KIAA1671: variants seen among roughly 807,000 people sequenced by gnomAD.
KIAA1671 encodes uncharacterized protein KIAA1671.
In KIAA1671, 52 loss-of-function variants were observed where a neutral mutation model predicts 131.2. The observed-to-expected ratio is 0.40, with a 90% CI of 0.32 to 0.50. KIAA1671 has a LOEUF of 0.50. Ranked by LOEUF, KIAA1671 falls within the 20% of genes least tolerant of loss-of-function variation. The pLI, the probability that KIAA1671 is intolerant of heterozygous loss-of-function variation, is 0.73. For missense variants in KIAA1671, 2,360 were observed against 2,364.2 expected (o/e 1.00, Z 0.04); for synonymous variants, 1,003 against 961.6 (o/e 1.04, Z -0.80).
chr22:25,112,447 G>C (rs1406247500), intron 6 of KIAA1671: 2 of 398,860 alleles, frequency 5.0e-6, no homozygotes, highest in East Asian at 7.1e-5. Context: ...ATACAGATTC[G>C]GAACCGCCAG....
intron 1 of KIAA1671, among the ~76,000 whole-genome samples, chr22:24,996,348 TC>T (rs554629699): frequency 8.0e-4 from 121 of 152,074 alleles, no homozygotes; most frequent in African/African-American, 2.8e-3. Context: ...GAGGAGACCC[TC>T]CCCACATGTG....
At chr22:25,146,379 T>A (rs1442912660) in intron 6 of KIAA1671, among the ~76,000 whole-genome samples, 1 of 152,186 alleles carries the variant, frequency 6.6e-6, no homozygotes, top group Non-Finnish European at 1.5e-5. Flanking sequence ...CTTTTGTTTT[T>A]TGTTTTGAAA....
chr22:24,993,069 GC>G (rs1923933537), intron 1 of KIAA1671, among the ~76,000 whole-genome samples: 1 of 151,916 alleles, frequency 6.6e-6, no homozygotes. Context: ...TCTCGAAGCC[GC>G]CCTCTCTGCC....
chr22:24,976,910 T>C (rs1288404720), intron 1 of KIAA1671, among the ~76,000 whole-genome samples: 1 of 152,102 alleles, frequency 6.6e-6, no homozygotes, highest in Non-Finnish European at 1.5e-5. Flanking sequence ...TCGGGGAGGA[T>C]AGAGCAAAGC....
chr22:25,163,535 G>A (rs1165723351), intron 6 of KIAA1671, among the ~76,000 whole-genome samples: 1 of 147,852 alleles, frequency 6.8e-6, no homozygotes, highest in Admixed American at 6.8e-5. Flanking sequence ...TCCGCTACCC[G>A]GGTTCAAGTG....
chr22:25,108,662 T>TC (rs1931158619), intron 6 of KIAA1671, among the ~76,000 whole-genome samples: 1 of 152,158 alleles, frequency 6.6e-6, no homozygotes, highest in Non-Finnish European at 1.5e-5. Flanking sequence ...TCTGGATATA[T>TC]CAATGTAAGG....
intron 1 of KIAA1671, among the ~76,000 whole-genome samples, chr22:24,974,544 C>T (rs1431218496): frequency 6.6e-6 from 1 of 152,100 alleles, no homozygotes; most frequent in African/African-American, 2.4e-5. Context: ...ACTCCAAACT[C>T]CAGTCATTCT....
At chr22:25,049,414 TG>T in intron 6 of KIAA1671, 50 bp downstream of exon 6, 2 of 1,526,814 alleles carry the variant, frequency 1.3e-6, no homozygotes, top group Non-Finnish European at 1.8e-6. Context: ...TGCTGGTTGC[TG>T]GACACTGCTG....
At chr22:24,958,779 T>C (rs1209667081) in intron 1 of KIAA1671, among the ~76,000 whole-genome samples, 1 of 151,366 alleles carries the variant, frequency 6.6e-6, no homozygotes, top group African/African-American at 2.4e-5. Context: ...AAGATTAGCC[T>C]AGCCAACATG....
At chr22:25,179,071 G>A (rs1455915877) in intron 9 of KIAA1671, among the ~76,000 whole-genome samples, 6 of 152,216 alleles carry the variant, frequency 3.9e-5, no homozygotes, top group Non-Finnish European at 5.9e-5. Flanking sequence ...AGCCGCGCCC[G>A]GCCTGGTGTC....
intron 1 of KIAA1671, among the ~76,000 whole-genome samples, chr22:24,957,843 A>C (rs1333861079): frequency 6.6e-6 from 1 of 150,462 alleles, no homozygotes; most frequent in Non-Finnish European, 1.5e-5. Flanking sequence ...ACGCCTGGCT[A>C]ATTTTGTTAT....
intron 6 of KIAA1671, among the ~76,000 whole-genome samples, chr22:25,127,166 T>C (rs1274587348): frequency 6.6e-6 from 1 of 152,202 alleles, no homozygotes; most frequent in East Asian, 1.9e-4. Context: ...ATACTCTTCA[T>C]GGTGGTGAGA....
intron 6 of KIAA1671, among the ~76,000 whole-genome samples, chr22:25,104,925 C>T (rs1244911015): frequency 6.6e-6 from 1 of 152,072 alleles, no homozygotes; most frequent in Non-Finnish European, 1.5e-5. Context: ...CCCTCAAGCC[C>T]AACACTGAAC....
At chr22:25,143,192 T>C (rs896262228) in intron 6 of KIAA1671, among the ~76,000 whole-genome samples, 1 of 151,990 alleles carries the variant, frequency 6.6e-6, no homozygotes, top group African/African-American at 2.4e-5. Context: ...CTTCAGGGAG[T>C]TGCCAGTCAG....
chr22:24,986,890 G>A (rs986110264), intron 1 of KIAA1671, among the ~76,000 whole-genome samples: 1 of 151,882 alleles, frequency 6.6e-6, no homozygotes, highest in African/African-American at 2.4e-5. Context: ...CCCTCTGGAG[G>A]TCACAGCCTA....
At chr22:25,150,531 C>A (rs1932999232) in intron 6 of KIAA1671, among the ~76,000 whole-genome samples, 1 of 152,200 alleles carries the variant, frequency 6.6e-6, no homozygotes, top group Non-Finnish European at 1.5e-5. Context: ...GCTGCCCCTG[C>A]CTCCCCCGAC....
chr22:25,135,111 A>G (rs952836878), intron 6 of KIAA1671, among the ~76,000 whole-genome samples: 3 of 152,166 alleles, frequency 2.0e-5, no homozygotes, highest in Non-Finnish European at 2.9e-5. Context: ...TTTAGTTTAT[A>G]TTCACAAGAA....
rs1934722310 is a variant in KIAA1671 at position 25,193,134 on chromosome 22, T to A, written c.*733T>A. On this transcript the variant is annotated 3_prime_UTR_variant, in exon 13 of 13. Coordinates refer to ENST00000358431, the MANE Select transcript of KIAA1671 (RefSeq NM_001145206.2). ...TGAAACTTGATAGGTATATATGTGT[T>A]TACGTTAAAGGACAGGAGGAAAGAT... 1 of 152,188 alleles carries A rather than the reference T, an allele frequency of 6.6e-6. No homozygotes were observed. The highest frequency in any genetic ancestry group is 1.5e-5 in the Non-Finnish European group (1 of 68,038). 9.4% of individuals were successfully genotyped at this position (152,188 alleles called of 1,614,324 possible).
intron 1 of KIAA1671, among the ~76,000 whole-genome samples, chr22:24,977,663 TG>T: frequency 6.6e-6 from 1 of 152,232 alleles, no homozygotes; most frequent in East Asian, 1.9e-4. Context: ...TTCCCAGGGT[TG>T]GGGGTTGAGG....
Sources: gnomAD v4.1 joint callset for allele counts (sites outside exome capture counted in the v4.1 genomes callset) on GRCh38, gnomAD v4.1.1 for gene constraint, MANE v1.5 for transcripts, NCBI Gene and HGNC (gene_info 2026-07-23, HGNC 2026-07-21) for gene names.